IGF2BP3: variants seen among roughly 807,000 people sequenced by gnomAD.
IGF2BP3 encodes insulin-like growth factor 2 mRNA-binding protein 3.
In IGF2BP3, 9 loss-of-function variants were observed where a neutral mutation model predicts 73.8. That is an observed-to-expected ratio of 0.12 (90% confidence interval 0.07 to 0.21). The LOEUF is 0.21. Among genes scored for constraint, IGF2BP3 ranks in the 10% least tolerant of loss-of-function variants. IGF2BP3 has a pLI of 1.00. For synonymous variants in IGF2BP3, 258 were observed against 256.7 expected, an observed-to-expected ratio of 1.01 and a Z score of -0.05; for missense variants, 542 against 714.0, an observed-to-expected ratio of 0.76 and a Z score of 2.75.
In IGF2BP3 at chr7:23,338,214, A is replaced by C. The variant is rs116438145; in HGVS notation, c.1203+3850T>G. ...TGAGTTTTTTTTCACTCTTCAAAGC[A>C]TAGAACAAGGTAGAAAAAGGGATAT... On this transcript the variant is annotated intron_variant, in intron 10 of 14. Transcript: ENST00000258729. Among the ~76,000 whole-genome samples, 1,297 of 152,260 alleles carry C rather than the reference A, an allele frequency of 8.5e-3. 22 individuals carry two copies. The highest frequency in any genetic ancestry group is 0.029 in the African/African-American group (1,191 of 41,536).
chr7:23,466,876 T>C (rs1209381449), intron 2 of IGF2BP3, among the ~76,000 whole-genome samples: 2 of 152,264 alleles, frequency 1.3e-5, no homozygotes, highest in Non-Finnish European at 1.5e-5. Flanking sequence ...AATGTTAAAA[T>C]GCCAGTCCTT....
intron 2 of IGF2BP3, among the ~76,000 whole-genome samples, chr7:23,435,794 G>C (rs1295824287): frequency 6.6e-6 from 1 of 151,720 alleles, no homozygotes. Context: ...GTCTCGCTCT[G>C]CAGCCCAGGC....
At chr7:23,393,068 T>C (rs1172177462) in intron 3 of IGF2BP3, among the ~76,000 whole-genome samples, 1 of 152,170 alleles carries the variant, frequency 6.6e-6, no homozygotes, top group East Asian at 1.9e-4. Context: ...CAAGTCTCAT[T>C]AGCGTCCTTG....
chr7:23,403,938 T>C (rs1015008971), intron 3 of IGF2BP3, among the ~76,000 whole-genome samples: 3 of 151,494 alleles, frequency 2.0e-5, no homozygotes, highest in Non-Finnish European at 1.5e-5. Flanking sequence ...GCCTGGGCAA[T>C]GTAGCAAGAC....
chr7:23,399,316 C>T (rs1000978459), intron 3 of IGF2BP3, among the ~76,000 whole-genome samples: 6 of 151,698 alleles, frequency 4.0e-5, no homozygotes, highest in African/African-American at 1.5e-4. Context: ...ATGGGTGCAG[C>T]ACACCAACAT....
At chr7:23,443,148 T>C (rs1450219722) in intron 2 of IGF2BP3, among the ~76,000 whole-genome samples, 1 of 143,068 alleles carries the variant, frequency 7.0e-6, no homozygotes, top group Non-Finnish European at 1.5e-5. Context: ...TGTCTTGCTC[T>C]GTCACCCAGG....
In IGF2BP3 at chr7:23,407,367, G is replaced by C. The variant is rs150829717; in HGVS notation, c.285+11409C>G. ...TTCATGCCTGTAATCCCAGCACTTT[G>C]GGAGGCCGAGGCAAATGGATCACCT... On this transcript the variant is annotated intron_variant, in intron 3 of 14. Coordinates refer to ENST00000258729, the MANE Select transcript of IGF2BP3 (RefSeq NM_006547.3). 1.6e-3 allele frequency among the ~76,000 whole-genome samples: 236 copies of C among 151,864 alleles called. 2 individuals carry two copies. Among genetic ancestry groups the C allele is most frequent in the African/African-American group, 5.5e-3 (226 of 41,460 alleles).
At chr7:23,423,310 C>A (rs565885215) in intron 2 of IGF2BP3, among the ~76,000 whole-genome samples, 33 of 152,322 alleles carry the variant, frequency 2.2e-4, no homozygotes, top group African/African-American at 6.5e-4. Flanking sequence ...TCTCAGTCAG[C>A]TACACAATTA....
At position 23,346,007 on chromosome 7, in the gene IGF2BP3, T is replaced by A; in HGVS notation, c.874A>T (p.Ile292Phe). Residue 292 changes from isoleucine to phenylalanine, a missense_variant, in exon 8 of 15, where the codon ATT becomes TTT. Around this residue, in one of 2 missense-constraint regions of IGF2BP3, gnomAD observed 303 missense variants for 472.1 expected, o/e 0.64. Coordinates refer to ENST00000258729, the MANE Select transcript of IGF2BP3 (RefSeq NM_006547.3). ...TTAAGATTTCTTCCTTCTTTACCAA[T>A]AAGACGTCCAACAAAGTTATTATGA... is the stretch of plus-strand genomic sequence containing the variant. ...LAHNNFVGRL[I>F]GKEGRNLKKI... The A allele has an allele frequency of 6.2e-7, 1 of 1,613,782 alleles. No homozygotes were observed. Among genetic ancestry groups the A allele is most frequent in the Non-Finnish European group, 8.5e-7 (1 of 1,179,944 alleles).
intron 2 of IGF2BP3, chr7:23,450,800 G>A (rs1378118619): frequency 5.3e-5 from 8 of 152,170 alleles, no homozygotes; most frequent in African/African-American, 1.9e-4. Context: ...ACACTTTGGG[G>A]AGGCCAAGGC....
intron 3 of IGF2BP3, among the ~76,000 whole-genome samples, chr7:23,363,290 A>G (rs1170977459): frequency 6.6e-6 from 1 of 152,188 alleles, no homozygotes; most frequent in African/African-American, 2.4e-5. Context: ...ACTGTCACCT[A>G]TGCTGGAGTG....
At chr7:23,339,332 G>T (rs1451243274) in intron 10 of IGF2BP3, among the ~76,000 whole-genome samples, 1 of 152,200 alleles carries the variant, frequency 6.6e-6, no homozygotes, top group Non-Finnish European at 1.5e-5. Flanking sequence ...GACTGTAGAA[G>T]TGCTGGAGAA....
At chr7:23,317,974 A>T in intron 11 of IGF2BP3, 3 of 514,774 alleles carry the variant, frequency 5.8e-6, no homozygotes. Context: ...CGTCCTGATG[A>T]AGTAGTATTA....
intron 3 of IGF2BP3, among the ~76,000 whole-genome samples, chr7:23,393,513 G>T (rs1224644075): frequency 6.6e-6 from 1 of 152,112 alleles, no homozygotes; most frequent in African/African-American, 2.4e-5. Flanking sequence ...CCTACTCTAA[G>T]GGGCTCGGAA....
intron 2 of IGF2BP3, among the ~76,000 whole-genome samples, chr7:23,459,476 C>G (rs571646145): frequency 6.6e-6 from 1 of 152,250 alleles, no homozygotes; most frequent in Admixed American, 6.5e-5. Flanking sequence ...TATCCATAAA[C>G]GTTTTGGCCA....
At position 23,311,109 on chromosome 7, in the gene IGF2BP3, G is replaced by A. The variant is rs920404970; in HGVS notation, c.*1253C>T. 2.0e-5 allele frequency: 3 copies of A among 151,800 alleles called. No individual in the cohort carries two copies. Among genetic ancestry groups the A allele is most frequent in the Non-Finnish European group, 4.4e-5 (3 of 67,992 alleles). The allele number at this position is 151,800 out of a possible 1,614,324, so 9.4% of individuals were successfully genotyped here. A position where few individuals can be genotyped will look rare whatever the true frequency, so the allele number is the denominator to read the frequency against. On this transcript the variant is annotated 3_prime_UTR_variant, in exon 15 of 15. Coordinates refer to ENST00000258729, the MANE Select transcript of IGF2BP3 (RefSeq NM_006547.3). ...GTTATACTTTACTACTTAAGGTGGAGTCTAATTTTTTTTTTTTAATTTATC... is the reference window on the plus strand; with the variant it reads ...GTTATACTTTACTACTTAAGGTGGAATCTAATTTTTTTTTTTTAATTTATC...
intron 3 of IGF2BP3, among the ~76,000 whole-genome samples, chr7:23,393,165 G>A (rs1786338372): frequency 6.6e-6 from 1 of 152,088 alleles, no homozygotes. Context: ...TGGCCTTCCA[G>A]AAGGACCCTT....
chr7:23,351,651 A>G, intron 5 of IGF2BP3, 65 bp from the exon 6 acceptor site: 2 of 1,535,908 alleles, frequency 1.3e-6, no homozygotes, highest in East Asian at 4.5e-5. Context: ...CTTTTAGCAA[A>G]GCAACACCCA....
At chr7:23,379,985 T>C (rs917638913) in intron 3 of IGF2BP3, among the ~76,000 whole-genome samples, 1 of 152,080 alleles carries the variant, frequency 6.6e-6, no homozygotes, top group Non-Finnish European at 1.5e-5. Context: ...GGTCAGGGGA[T>C]GCAGAGAATT....
Sources: allele counts gnomAD v4.1 joint callset (sites outside exome capture counted in the v4.1 genomes callset), GRCh38; gene constraint gnomAD v4.1.1; regional missense constraint gnomAD v4.1.1; transcripts MANE v1.5; gene names NCBI Gene and HGNC (gene_info 2026-07-23, HGNC 2026-07-21).